Variants in GALNT2 observed in about 807,000 individuals in gnomAD.
The protein encoded by GALNT2 is polypeptide N-acetylgalactosaminyltransferase 2.
A neutral mutation model predicts 81.4 loss-of-function variants in GALNT2; 31 were observed. That is an observed-to-expected ratio of 0.38 (90% confidence interval 0.29 to 0.51). The LOEUF (loss-of-function observed/expected upper bound fraction) is 0.51, where lower values mean the gene tolerates loss of function less well. Among genes scored for constraint, GALNT2 ranks in the 20% least tolerant of loss-of-function variants. The pLI is 0.87. For missense variants in GALNT2, 629 were observed against 765.7 expected, an observed-to-expected ratio of 0.82 and a Z score of 2.11; for synonymous variants, 303 against 287.4, an observed-to-expected ratio of 1.05 and a Z score of -0.55.
intron 6 of GALNT2, among the ~76,000 whole-genome samples, chr1:230,239,179 A>G (rs900030920): frequency 6.6e-6 from 1 of 152,062 alleles, no homozygotes; most frequent in African/African-American, 2.4e-5. Context: ...TTGGTAATTT[A>G]TATCTTCTTA....
intron 3 of GALNT2, among the ~76,000 whole-genome samples, chr1:230,212,708 A>T (rs115033204): frequency 6.6e-6 from 1 of 152,156 alleles, no homozygotes; most frequent in South Asian, 2.1e-4. Context: ...TGCATCTGAT[A>T]TGCACAGTTC....
intron 2 of GALNT2, among the ~76,000 whole-genome samples, chr1:230,196,963 C>T (rs534373740): frequency 4.6e-5 from 7 of 152,222 alleles, no homozygotes; most frequent in African/African-American, 1.7e-4. Flanking sequence ...ACCTAGGGAC[C>T]TAACTGATCA....
chr1:230,126,286 C>T (rs776883866), intron 1 of GALNT2, among the ~76,000 whole-genome samples: 6 of 152,046 alleles, frequency 3.9e-5, no homozygotes, highest in South Asian at 4.1e-4. Flanking sequence ...GCCAGTTCGG[C>T]GGGGGCAGGC....
intron 1 of GALNT2, among the ~76,000 whole-genome samples, chr1:230,161,866 TA>T (rs896488392): frequency 1.2e-4 from 18 of 152,238 alleles, no homozygotes; most frequent in African/African-American, 4.3e-4. Context: ...GTTCAGAGTT[TA>T]AAAATTCAAC....
intron 1 of GALNT2, among the ~76,000 whole-genome samples, chr1:230,105,408 C>G (rs183812235): frequency 6.5e-4 from 95 of 145,872 alleles, no homozygotes; most frequent in East Asian, 2.9e-3. Context: ...ATTTCCCCCG[C>G]CTCTCATGTT....
chr1:230,172,627 T>A (rs1205098848), intron 1 of GALNT2, among the ~76,000 whole-genome samples: 1 of 152,218 alleles, frequency 6.6e-6, no homozygotes, highest in Non-Finnish European at 1.5e-5. Flanking sequence ...CTTGCTCATC[T>A]TCCAGCCACT....
At position 230,193,585 on chromosome 1, in the gene GALNT2, ATC is replaced by A. The variant is rs1663596487; in HGVS notation, c.221-9550_221-9549del. The stretch of plus-strand genomic sequence containing the variant: ...AGGGTCAGTTTTATAGGTTTCTGTC[ATC>A]TTTTTTTTTTCAAATATAAGGTTTA... On this transcript the variant is annotated intron_variant, in intron 2 of 15. Transcript: ENST00000366672. The surrounding 1 kb of genome is among the most constrained non-coding windows in gnomAD (Gnocchi z 4.3). 1.5e-5 allele frequency among the ~76,000 whole-genome samples: 2 copies of A among 135,660 alleles called. No homozygotes were observed. The highest frequency in any genetic ancestry group is 5.5e-5 in the African/African-American group (2 of 36,486). 89.0% of individuals were successfully genotyped at this position (135,660 alleles called of 152,430 possible). A position where few individuals can be genotyped will look rare whatever the true frequency, so the allele number is the denominator to read the frequency against.
chr1:230,192,843 C>T (rs183714087), intron 2 of GALNT2, among the ~76,000 whole-genome samples: 52 of 152,264 alleles, frequency 3.4e-4, no homozygotes, highest in South Asian at 2.9e-3. Flanking sequence ...TTTCAAGAGA[C>T]GGTTTCTCAC....
At chr1:230,260,069 T>C (rs1243353254) in intron 11 of GALNT2, among the ~76,000 whole-genome samples, 2 of 152,226 alleles carry the variant, frequency 1.3e-5, no homozygotes, top group Non-Finnish European at 2.9e-5. Context: ...AATTTTGTCA[T>C]TGTTAAATTT....
chr1:230,101,501 T>C (rs1283788738), intron 1 of GALNT2, among the ~76,000 whole-genome samples: 1 of 152,224 alleles, frequency 6.6e-6, no homozygotes, highest in African/African-American at 2.4e-5. Flanking sequence ...CTGAAATTCT[T>C]AAGCCTGCTG....
chr1:230,147,326 A>G (rs545830573), intron 1 of GALNT2, among the ~76,000 whole-genome samples: 1 of 152,312 alleles, frequency 6.6e-6, no homozygotes, highest in African/African-American at 2.4e-5. Context: ...TAAAGACTTC[A>G]TTTTATTCAA....
At chr1:230,071,412 C>G (rs1659369331) in intron 1 of GALNT2, among the ~76,000 whole-genome samples, 1 of 152,134 alleles carries the variant, frequency 6.6e-6, no homozygotes. Flanking sequence ...TGCAGCTTGC[C>G]TTGGCGGTTA....
chr1:230,102,914 C>T (rs904696059), intron 1 of GALNT2, among the ~76,000 whole-genome samples: 1 of 152,140 alleles, frequency 6.6e-6, no homozygotes, highest in African/African-American at 2.4e-5. Flanking sequence ...GGAGAATACT[C>T]AGAAGGTAGC....
At chr1:230,068,914 C>T (rs1018864061) in intron 1 of GALNT2, among the ~76,000 whole-genome samples, 6 of 152,206 alleles carry the variant, frequency 3.9e-5, no homozygotes, top group Admixed American at 2.0e-4. Flanking sequence ...CAGCAAAAGC[C>T]GTGCAGTCCA....
At chr1:230,263,248 C>T (rs141427925) in intron 13 of GALNT2, 11 of 500,172 alleles carry the variant, frequency 2.2e-5, no homozygotes, top group African/African-American at 3.9e-5. Context: ...GGCAGTCCCC[C>T]GGGCCTCACC....
chr1:230,164,690 C>T (rs370414018), intron 1 of GALNT2, among the ~76,000 whole-genome samples: 8 of 152,206 alleles, frequency 5.3e-5, no homozygotes, highest in African/African-American at 1.2e-4. Context: ...CCCGCCACCA[C>T]GCCTGGCTAA....
chr1:230,200,284 G>A (rs1663849095), intron 2 of GALNT2, among the ~76,000 whole-genome samples: 1 of 152,100 alleles, frequency 6.6e-6, no homozygotes, highest in Non-Finnish European at 1.5e-5. Flanking sequence ...GGCTGGTCTC[G>A]AACGCCTGGC....
chr1:230,281,482 C>T lies in GALNT2; in HGVS notation c.*2024C>T, dbSNP rs1255126111. ...CAGCACCCAGGTTCTTCTGTCAGACCCTGTGACCTGCGAGCTGCTACTACT... is the reference window on the plus strand; with the variant it reads ...CAGCACCCAGGTTCTTCTGTCAGACTCTGTGACCTGCGAGCTGCTACTACT... On this transcript the variant is annotated 3_prime_UTR_variant, in exon 16 of 16. Transcript: ENST00000366672. 1 of 152,182 alleles carries T rather than the reference C, an allele frequency of 6.6e-6. No homozygotes were observed. Among genetic ancestry groups the T allele is most frequent in the African/African-American group, 2.4e-5 (1 of 41,418 alleles). 9.4% of individuals were successfully genotyped at this position (152,182 alleles called of 1,614,324 possible). A position where few individuals can be genotyped will look rare whatever the true frequency, so the allele number is the denominator to read the frequency against.
chr1:230,266,133 G>A (rs541397948), intron 14 of GALNT2, among the ~76,000 whole-genome samples: 2 of 152,310 alleles, frequency 1.3e-5, no homozygotes, highest in South Asian at 4.1e-4. Context: ...GGCAGAGGTT[G>A]CTGTGAGCTG....
Sources: gnomAD v4.1 joint callset for allele counts (sites outside exome capture counted in the v4.1 genomes callset) on GRCh38, gnomAD v4.1.1 for gene constraint, Gnocchi (gnomAD v3.1) non-coding constraint, MANE v1.5 for transcripts, NCBI Gene and HGNC (gene_info 2026-07-23, HGNC 2026-07-21) for gene names.